RELT: variants seen among roughly 807,000 people sequenced by gnomAD.
RELT encodes RELT TNF receptor, also known as tumor necrosis factor receptor superfamily member 19L.
A neutral mutation model predicts 51.1 loss-of-function variants in RELT; 37 were observed. The ratio of observed to expected loss-of-function variants is 0.72; its 90% confidence interval spans 0.56 to 0.95. RELT has a LOEUF of 0.95. Ranked by LOEUF, RELT falls within the 40% of genes least tolerant of loss-of-function variation. The pLI, the probability that RELT is intolerant of heterozygous loss-of-function variation, is 0.00. For synonymous variants in RELT, 241 were observed against 235.7 expected, an observed-to-expected ratio of 1.02 and a Z score of -0.21; for missense variants, 535 against 572.6, an observed-to-expected ratio of 0.93 and a Z score of 0.67.
At chr11:73,390,409 A>G (rs1448939022) in intron 2 of RELT, 142 bp from the exon 3 acceptor site, 6 of 710,050 alleles carry the variant, frequency 8.5e-6, no homozygotes, top group Admixed American at 2.1e-5. Context: ...GATTGAGGTT[A>G]GAAGAGTGTG....
At position 73,394,447 on chromosome 11, in the gene RELT, T is replaced by A. The variant is rs371076075; in HGVS notation, c.789-30T>A. ...GGGGTCTCCTGCCCCTGGCCTGGCC[T>A]ATGGCCACTTCTGCCTGTGCCCCCT... On this transcript the variant is annotated intron_variant, in intron 8 of 10. Transcript: ENST00000064780. This position sits in a 1 kb window ranked among gnomAD's most constrained non-coding sequence, Gnocchi z 4.9. The A allele has an allele frequency of 7.6e-5, 122 of 1,609,118 alleles. No homozygotes were observed. Among genetic ancestry groups the A allele is most frequent in the Non-Finnish European group, 1.0e-4 (121 of 1,176,880 alleles).
chr11:73,395,669 C>T lies in RELT; in HGVS notation c.*178C>T, dbSNP rs535242594. The T allele has an allele frequency of 6.8e-5, 43 of 636,250 alleles. No individual in the cohort carries two copies. The highest frequency in any genetic ancestry group is 6.5e-4 in the South Asian group (37 of 56,994). The allele number at this position is 636,250 out of a possible 1,614,324, so 39.4% of individuals were successfully genotyped here. On this transcript the variant is annotated 3_prime_UTR_variant, in exon 11 of 11. Coordinates refer to ENST00000064780, the MANE Select transcript of RELT (RefSeq NM_152222.2). Reference sequence around the variant, plus strand: ...CTGCCCCAGTGAGGAGGCAGGTGGCCGGCGGGCACTGTGTACAGGAGCAGG... The same window carrying T: ...CTGCCCCAGTGAGGAGGCAGGTGGCTGGCGGGCACTGTGTACAGGAGCAGG...
rs371610657 is a variant in RELT at position 73,394,554 on chromosome 11, C to T, written c.866C>T (p.Ser289Leu). Residue 289 changes from serine (S) to leucine (L), a missense_variant, in exon 9 of 11, where the codon TCG becomes TTG. Physicochemically the swap from Ser to Leu is moderately radical, Grantham distance 145. Transcript: ENST00000064780. This position sits in a 1 kb window ranked among gnomAD's most constrained non-coding sequence, Gnocchi z 4.9. Reference sequence around the variant, plus strand: ...CTCCACACCGTGCAGGGCCTGGCCTCGCTCTCTGGCCCCTGCTGCTCCCGC... The same window carrying T: ...CTCCACACCGTGCAGGGCCTGGCCTTGCTCTCTGGCCCCTGCTGCTCCCGC... ...HHLHTVQGLASLSGPCCSRCS... is the reference protein window; with the variant it reads ...HHLHTVQGLALLSGPCCSRCS... The T allele has an allele frequency of 1.4e-5, 22 of 1,612,016 alleles. No individual in the cohort carries two copies. Among genetic ancestry groups the T allele is most frequent in the East Asian group, 4.5e-5 (2 of 44,896 alleles).
At chr11:73,379,396 T>C (rs1169880798) in intron 1 of RELT, among the ~76,000 whole-genome samples, 1 of 152,118 alleles carries the variant, frequency 6.6e-6, no homozygotes, top group Non-Finnish European at 1.5e-5. Context: ...GGGTTTCCAC[T>C]TGTGACCACA....
chr11:73,378,201 A>G (rs1865999640), intron 1 of RELT, among the ~76,000 whole-genome samples: 2 of 152,098 alleles, frequency 1.3e-5, no homozygotes, highest in Admixed American at 6.6e-5. Context: ...CTTCTCCCGT[A>G]TGAAGGTCTG....
chr11:73,389,071 G>A (rs751655964), intron 1 of RELT, 41 bp from the exon 2 acceptor site: 74 of 1,054,830 alleles, frequency 7.0e-5, no homozygotes, highest in Non-Finnish European at 1.0e-4. Flanking sequence ...CTGCCTGCCT[G>A]TCCCTGCCGC....
intron 2 of RELT, among the ~76,000 whole-genome samples, chr11:73,389,817 C>G (rs1175276132): frequency 1.3e-5 from 2 of 152,200 alleles, no homozygotes; most frequent in African/African-American, 4.8e-5. Flanking sequence ...CTGAGGAGAT[C>G]CCTATTCCAT....
chr11:73,395,046 G>T, intron 9 of RELT, 41 bp from the exon 10 acceptor site: 2 of 1,524,804 alleles, frequency 1.3e-6, no homozygotes, highest in South Asian at 1.1e-5. Flanking sequence ...TGTGCCCCGG[G>T]ATCCCCGCTA....
intron 5 of RELT, 22 bp downstream of exon 5, chr11:73,391,245 G>A (rs368378734): frequency 2.7e-5 from 44 of 1,609,074 alleles, no homozygotes; most frequent in Admixed American, 5.0e-5. Context: ...ACTGGGGCTA[G>A]GACTGGTGCA....
chr11:73,390,236 C>G (rs1866188412), intron 2 of RELT, among the ~76,000 whole-genome samples: 3 of 152,136 alleles, frequency 2.0e-5, no homozygotes, highest in African/African-American at 7.2e-5. Flanking sequence ...GATTCGGAAG[C>G]ATTTCCTCCT....
chr11:73,395,269 C>G lies in RELT; in HGVS notation c.1229C>G (p.Ala410Gly), dbSNP rs1307662450. Reference protein sequence around the residue: ...GSRTKWLKPPAENKAEENRYV... With the variant: ...GSRTKWLKPPGENKAEENRYV... ...CGTACAAAGTGGCTGAAGCCCCCAG[C>G]AGAGAACAAGGCCGAGGTGAGAGTC... The change falls in exon 10 of 11, where the codon GCA (alanine) becomes GGA (glycine). Residue 410 changes from alanine to glycine, a missense_variant. Physicochemically the swap from Ala to Gly is moderately conservative, Grantham distance 60. Coordinates refer to ENST00000064780, the MANE Select transcript of RELT (RefSeq NM_152222.2). 4 of 1,613,022 alleles carry G rather than the reference C, an allele frequency of 2.5e-6. No homozygotes were observed. In the Admixed American group the frequency reaches 5.0e-5, roughly 20 times the overall value.
At chr11:73,393,589 G>A (rs759947692) in intron 6 of RELT, 27 of 1,458,034 alleles carry the variant, frequency 1.9e-5, no homozygotes, top group Admixed American at 4.2e-5. Context: ...TGGAGTTCAC[G>A]TGGCCCTGAA....
rs1565223187 is a variant in RELT, at chr11:73,392,366, ATGGGGC to A, written c.526_531del (p.Gly176_Leu177del). On this transcript the variant is annotated inframe_deletion, in exon 6 of 11. Coordinates refer to ENST00000064780, the MANE Select transcript of RELT (RefSeq NM_152222.2). ...CGCCATCGTCCCTGTCTTCTGCCTC[ATGGGGC>A]TGTTGGGCATCCTGGTGTGCAACCT... The A allele has an allele frequency of 6.2e-7, 1 of 1,613,798 alleles. No individual in the cohort carries two copies. The highest frequency in any genetic ancestry group is 1.1e-5 in the South Asian group (1 of 91,082).
intron 1 of RELT, among the ~76,000 whole-genome samples, chr11:73,378,692 A>G (rs1262433531): frequency 6.6e-6 from 1 of 152,232 alleles, no homozygotes; most frequent in Non-Finnish European, 1.5e-5. Context: ...GTGTGTGTGC[A>G]CACATGTCTG....
chr11:73,390,196 A>G (rs1866187479), intron 2 of RELT, among the ~76,000 whole-genome samples: 1 of 152,112 alleles, frequency 6.6e-6, no homozygotes, highest in African/African-American at 2.4e-5. Context: ...GACCCAAAGT[A>G]GGAGGAAGTG....
intron 2 of RELT, 54 bp downstream of exon 2, chr11:73,389,235 G>T (rs1036891365): frequency 3.8e-6 from 5 of 1,304,942 alleles, no homozygotes; most frequent in Non-Finnish European, 5.2e-6. Context: ...CAGCCCTGCA[G>T]CCCTCCAGCA....
intron 6 of RELT, chr11:73,393,426 G>A (rs1195371978): frequency 5.1e-6 from 6 of 1,184,192 alleles, no homozygotes; most frequent in Non-Finnish European, 6.4e-6. Flanking sequence ...TGTTACATAG[G>A]GCACAGTAGA....
At chr11:73,391,058 G>T in intron 4 of RELT, 86 bp from the exon 5 acceptor site, 1 of 1,527,586 alleles carries the variant, frequency 6.5e-7, no homozygotes, top group South Asian at 1.1e-5. Flanking sequence ...ACCACGGAGG[G>T]TGCCTGGTAG....
At chr11:73,393,169 A>G (rs1866247092) in intron 6 of RELT, 4 of 1,001,502 alleles carry the variant, frequency 4.0e-6, no homozygotes, top group Non-Finnish European at 4.8e-6. Flanking sequence ...AAGTCCTGAC[A>G]CTGAAGTCTG....
Sources: allele counts gnomAD v4.1 joint callset (sites outside exome capture counted in the v4.1 genomes callset), GRCh38; gene constraint gnomAD v4.1.1; non-coding constraint Gnocchi (gnomAD v3.1); transcripts MANE v1.5; gene names NCBI Gene and HGNC (gene_info 2026-07-23, HGNC 2026-07-21).